The following BRD9 variants were observed in gnomAD, a reference collection of about 807,000 sequenced individuals.
BRD9 encodes bromodomain-containing protein 9.
BRD9 carries 47 observed loss-of-function variants against 68.7 expected under a neutral mutation model. The observed-to-expected ratio is 0.68, with a 90% CI of 0.54 to 0.87. The LOEUF (loss-of-function observed/expected upper bound fraction) is 0.87. Ranked by LOEUF, BRD9 falls within the 40% of genes least tolerant of loss-of-function variation. The pLI is 0.00. For missense variants in BRD9, 670 were observed against 748.4 expected (o/e 0.90, Z 1.22); for synonymous variants, 313 against 293.9 (o/e 1.06, Z -0.67).
chr5:871,669 C>T (rs1328316643), intron 12 of BRD9, 105 bp from the exon 13 acceptor site: 6 of 1,045,440 alleles, frequency 5.7e-6, no homozygotes, highest in South Asian at 1.3e-5. Context: ...TGCGCTTCTG[C>T]GAATTCTGCT....
chr5:877,049 G>A (rs748391061), intron 11 of BRD9, among the ~76,000 whole-genome samples: 14 of 152,236 alleles, frequency 9.2e-5, no homozygotes, highest in South Asian at 4.1e-4. Flanking sequence ...CAAGGCAGGC[G>A]GGGTCAGAAT....
chr5:876,056 C>A (rs1750864182), intron 12 of BRD9, 45 bp downstream of exon 12: 1 of 1,428,002 alleles, frequency 7.0e-7, no homozygotes, highest in Non-Finnish European at 9.8e-7. Flanking sequence ...GCCAGCAGCA[C>A]CCCAAGGGCA....
In BRD9 at chr5:865,442, G is replaced by A. The variant is rs146244980; in HGVS notation, c.1665C>T (p.Asn555=). 185 of 1,592,638 alleles carry A rather than the reference G, an allele frequency of 1.2e-4. 2 individuals carry two copies. The African/African-American group carries it at 2.0e-3, about 17-fold the overall frequency. The change falls in exon 15 of 16, where the codon AAC becomes AAT. Residue 555 remains asparagine, a synonymous_variant. Transcript: ENST00000467963. ...RPSSNLSSLS[N]ASERDQHHLG... ...GGTGGTGCTGGTCCCTCTCGGAGGCGTTGGACAGGGAGCTGAGGTTGGACG... is the reference window on the plus strand; with the variant it reads ...GGTGGTGCTGGTCCCTCTCGGAGGCATTGGACAGGGAGCTGAGGTTGGACG...
intron 7 of BRD9, 131 bp from the exon 8 acceptor site, chr5:884,201 C>G: frequency 1.8e-6 from 2 of 1,130,794 alleles, no homozygotes; most frequent in Non-Finnish European, 2.5e-6. Context: ...GCATACTTAA[C>G]TCCTTTTAGG....
At chr5:872,387 C>T (rs1474493227) in intron 12 of BRD9, among the ~76,000 whole-genome samples, 1 of 152,214 alleles carries the variant, frequency 6.6e-6, no homozygotes, top group African/African-American at 2.4e-5. Flanking sequence ...ACTCCATATC[C>T]AAGTTCACTT....
At chr5:890,993 C>T (rs1014114589) in intron 3 of BRD9, among the ~76,000 whole-genome samples, 162 bp downstream of exon 3, 1 of 152,154 alleles carries the variant, frequency 6.6e-6, no homozygotes, top group Non-Finnish European at 1.5e-5. Flanking sequence ...TCAGAGACAC[C>T]GGAGGAAACC....
rs554013861 is a variant in BRD9 at position 873,122 on chromosome 5, G to A, written c.1384-1558C>T. 2.2e-4 allele frequency among the ~76,000 whole-genome samples: 33 copies of A among 152,152 alleles called. No individual in the cohort carries two copies. The South Asian group carries it at 5.2e-3, about 24-fold the overall frequency. ...AGAGGTTGCAGTGAGCCACAATCAC[G>A]CCACTGCACTCCAGCCTGGGTGACA... On this transcript the variant is annotated intron_variant, in intron 12 of 15. Transcript: ENST00000467963.
At position 892,767 on chromosome 5, in the gene BRD9, C is replaced by A; in HGVS notation, c.-110G>T. 1 of 1,122,376 alleles carries A rather than the reference C, an allele frequency of 8.9e-7. No individual in the cohort carries two copies. The allele number at this position is 1,122,376 out of a possible 1,614,324, so 69.5% of individuals were successfully genotyped here. A position where few individuals can be genotyped will look rare whatever the true frequency, so the allele number is the denominator to read the frequency against. On this transcript the variant is annotated 5_prime_UTR_variant, in exon 1 of 16. Coordinates refer to ENST00000467963, the MANE Select transcript of BRD9 (RefSeq NM_023924.5). ...GGCTGGCCGCCCGCGCTCGCTGCGCCGAGGTTGCCGAGCTCGCTGGGCCGC... is the reference window on the plus strand; with the variant it reads ...GGCTGGCCGCCCGCGCTCGCTGCGCAGAGGTTGCCGAGCTCGCTGGGCCGC...
At chr5:889,744 A>G (rs555935029) in intron 3 of BRD9, 97 bp from the exon 4 acceptor site, 15 of 1,573,512 alleles carry the variant, frequency 9.5e-6, no homozygotes, top group Non-Finnish European at 1.2e-5. Flanking sequence ...GGTGTCTCAC[A>G]GCATTTTAAG....
intron 3 of BRD9, among the ~76,000 whole-genome samples, chr5:890,906 A>T (rs780839208): frequency 5.3e-5 from 8 of 152,172 alleles, no homozygotes; most frequent in Non-Finnish European, 8.8e-5. Flanking sequence ...AAAACATATA[A>T]GCCATCCTTA....
chr5:865,664 G>T, intron 14 of BRD9, 83 bp from the exon 15 acceptor site: 1 of 1,412,380 alleles, frequency 7.1e-7, no homozygotes, highest in Non-Finnish European at 9.6e-7. Context: ...TGCCCATCCA[G>T]ACAGGCCTCT....
intron 8 of BRD9, chr5:882,969 A>G (rs559507577): frequency 2.5e-5 from 7 of 281,860 alleles, no homozygotes; most frequent in Non-Finnish European, 3.3e-5. Flanking sequence ...CCAACACACA[A>G]GCCACGCAGA....
At chr5:874,619 T>C (rs1394823050) in intron 12 of BRD9, among the ~76,000 whole-genome samples, 1 of 152,190 alleles carries the variant, frequency 6.6e-6, no homozygotes, top group East Asian at 1.9e-4. Flanking sequence ...ACAGACTCAG[T>C]GACTGAGGAC....
At chr5:891,578 G>C in intron 2 of BRD9, 62 bp downstream of exon 2, 1 of 1,528,168 alleles carries the variant, frequency 6.5e-7, no homozygotes. Context: ...CTGGGTCCTG[G>C]GACCAGGCTC....
intron 3 of BRD9, chr5:889,939 A>G (rs1753116244): frequency 2.5e-6 from 1 of 403,022 alleles, no homozygotes; most frequent in Admixed American, 3.4e-5. Context: ...CCACTACTCT[A>G]GACAAGAAAT....
At chr5:874,404 T>C (rs959283120) in intron 12 of BRD9, among the ~76,000 whole-genome samples, 6 of 152,280 alleles carry the variant, frequency 3.9e-5, no homozygotes, top group African/African-American at 1.4e-4. Flanking sequence ...GTTTTTTGCA[T>C]TAGTTTTTTA....
At chr5:880,758 G>A (rs1751616800) in intron 9 of BRD9, among the ~76,000 whole-genome samples, 1 of 152,242 alleles carries the variant, frequency 6.6e-6, no homozygotes. Context: ...AGCAGGGTGG[G>A]CCAGCACTCT....
Position 892,769 on chromosome 5 carries a change from A to G in BRD9, c.-112T>C. On this transcript the variant is annotated 5_prime_UTR_variant, in exon 1 of 16. Transcript: ENST00000467963. The stretch of plus-strand genomic sequence containing the variant: ...CTGGCCGCCCGCGCTCGCTGCGCCG[A>G]GGTTGCCGAGCTCGCTGGGCCGCGC... 1 of 1,124,488 alleles carries G rather than the reference A, an allele frequency of 8.9e-7. No individual in the cohort carries two copies. The highest frequency in any genetic ancestry group is 1.1e-6 in the Non-Finnish European group (1 of 893,030). 69.7% of individuals were successfully genotyped at this position (1,124,488 alleles called of 1,614,324 possible).
chr5:891,733 A>G lies in BRD9; in HGVS notation c.174T>C (p.His58=). ...DSSYYDDRSD[H]ERERHKEKKK... ...TCTTTTCTTTGTGCCTCTCTCGCTC[A>G]TGGTCTGACCTGTCATCATAGTAAC... is the stretch of plus-strand genomic sequence containing the variant. Residue 58 remains histidine (H), a synonymous_variant, in exon 2 of 16, where the codon CAT becomes CAC. Transcript: ENST00000467963. 6.4e-7 allele frequency: 1 copy of G among 1,551,350 alleles called. No homozygotes were observed. The highest frequency in any genetic ancestry group is 8.7e-7 in the Non-Finnish European group (1 of 1,146,976).
Sources: allele counts gnomAD v4.1 joint callset (sites outside exome capture counted in the v4.1 genomes callset), GRCh38; gene constraint gnomAD v4.1.1; transcripts MANE v1.5; gene names NCBI Gene and HGNC (gene_info 2026-07-23, HGNC 2026-07-21).